The following EIF5B variants were observed in gnomAD, a reference collection of about 807,000 sequenced individuals.
The protein encoded by EIF5B is eukaryotic translation initiation factor 5B.
A neutral mutation model predicts 147.5 loss-of-function variants in EIF5B; 47 were observed. The ratio of observed to expected loss-of-function variants is 0.32; its 90% CI spans 0.25 to 0.41. The LOEUF is 0.41. EIF5B is among the 10% of genes least tolerant of loss of function. The probability of loss-of-function intolerance (pLI) is 1.00; values close to 1 mark genes in which losing one functional copy is unlikely to be tolerated. For synonymous variants in EIF5B, 455 were observed against 456.2 expected (o/e 1.00, Z 0.03); for missense variants, 1,064 against 1,413.2 (o/e 0.75, Z 3.96).
chr2:99,343,912 G>A lies in EIF5B; in HGVS notation c.35+6323G>A, dbSNP rs1400724943. Among the ~76,000 whole-genome samples the A allele has an allele frequency of 5.9e-5, 9 of 151,908 alleles. No homozygotes were observed. In the East Asian group the frequency reaches 1.5e-3, roughly 26 times the overall value. On this transcript the variant is annotated intron_variant, in intron 1 of 23. Transcript: ENST00000289371. Reference sequence around the variant, plus strand: ...TTGTTGTATGTGGTATGATGTAGGGGTTCATCTGCATTCTTTTTTTTTTTG... The same window carrying A: ...TTGTTGTATGTGGTATGATGTAGGGATTCATCTGCATTCTTTTTTTTTTTG...
At chr2:99,379,917 C>A (rs186239528) in intron 12 of EIF5B, among the ~76,000 whole-genome samples, 6 of 152,262 alleles carry the variant, frequency 3.9e-5, no homozygotes, top group Admixed American at 6.5e-5. Context: ...CTTTGTTGAG[C>A]AATATAACCT....
rs993328163 is a variant in EIF5B, at chr2:99,338,457, C to T, written c.35+868C>T. ...CTACCCACCAAACTTAAATACGAGG[C>T]GGAGAGTAAGGTAAATTAAAAAAAC... On this transcript the variant is annotated intron_variant, in intron 1 of 23. Transcript: ENST00000289371. The T allele has an allele frequency of 6.4e-6, 4 of 623,488 alleles. No individual in the cohort carries two copies. In the African/African-American group the frequency reaches 7.6e-5, roughly 12 times the overall value. The allele number at this position is 623,488 out of a possible 1,614,324, so 38.6% of individuals were successfully genotyped here.
In EIF5B at chr2:99,389,700, A is replaced by T. The variant is rs1023313025; in HGVS notation, c.2272-18A>T. 1 of 1,579,676 alleles carries T rather than the reference A, an allele frequency of 6.3e-7. No homozygotes were observed. The highest frequency in any genetic ancestry group is 8.5e-7 in the Non-Finnish European group (1 of 1,170,568). On this transcript the variant is annotated intron_variant, in intron 14 of 23. Transcript: ENST00000289371. ...TCTGAATTTTTTAGAGATCTTTCTC[A>T]TGAAAAAACTTTTTCAGATTGATAG...
At chr2:99,396,725 T>G in intron 21 of EIF5B, 35 bp from the exon 22 acceptor site, 1 of 1,567,976 alleles carries the variant, frequency 6.4e-7, no homozygotes, top group South Asian at 1.2e-5. Flanking sequence ...TAAGTGATTC[T>G]GTAAGCTTAA....
At chr2:99,396,737 A>T in intron 21 of EIF5B, 23 bp from the exon 22 acceptor site, 2 of 1,579,192 alleles carry the variant, frequency 1.3e-6, no homozygotes, top group Non-Finnish European at 1.7e-6. Context: ...TAAGCTTAAA[A>T]TTCTTTTCTT....
chr2:99,388,190 A>C (rs1466484594), intron 14 of EIF5B, among the ~76,000 whole-genome samples: 1 of 152,210 alleles, frequency 6.6e-6, no homozygotes, highest in Admixed American at 6.5e-5. Context: ...TCTTTTGTAA[A>C]TAATGTGAGT....
At chr2:99,346,009 T>TA (rs1218626298) in intron 1 of EIF5B, among the ~76,000 whole-genome samples, 1 of 151,812 alleles carries the variant, frequency 6.6e-6, no homozygotes, top group Non-Finnish European at 1.5e-5. Flanking sequence ...CAAAGGGAGT[T>TA]ACGTTTTAAC....
At chr2:99,391,729 C>G (rs886067109) in intron 17 of EIF5B, among the ~76,000 whole-genome samples, 10 of 129,838 alleles carry the variant, frequency 7.7e-5, no homozygotes, top group Non-Finnish European at 1.5e-4. Context: ...ATAGCTGGCT[C>G]TTTTTTTTTT....
chr2:99,390,448 A>T (rs780799037), intron 16 of EIF5B, 47 bp downstream of exon 16: 1 of 1,542,398 alleles, frequency 6.5e-7, no homozygotes, highest in Non-Finnish European at 8.8e-7. Flanking sequence ...TTTTAAAAAT[A>T]GCAAGTTCCT....
In EIF5B at chr2:99,369,461, C is replaced by A. The variant is rs1225186968; in HGVS notation, c.1457C>A (p.Thr486Lys). 1 of 1,609,778 alleles carries A rather than the reference C, an allele frequency of 6.2e-7. No homozygotes were observed. Among genetic ancestry groups the A allele is most frequent in the African/African-American group, 1.3e-5 (1 of 74,770 alleles). The change falls in exon 8 of 24, where the codon ACA (threonine) becomes AAA (lysine). Residue 486 changes from threonine to lysine, a missense_variant. Physicochemically the swap from Thr to Lys is moderately conservative, Grantham distance 78. This residue lies in a region of EIF5B where 195 missense variants were observed against 186.3 expected (regional missense o/e 1.05). Transcript: ENST00000289371. ...CAAGGAGTACCAGAAAAGGAAGAGA[C>A]ACCACCTCCTGTTGAACCAGGCGGG... ...MEQGVPEKEE[T>K]PPPVEPEEEE...
At position 99,382,897 on chromosome 2, in the gene EIF5B, T is replaced by C. The variant is rs1450110261; in HGVS notation, c.2247T>C (p.Cys749=). Residue 749 remains cysteine, a synonymous_variant, in exon 14 of 24, where the codon TGT becomes TGC. Transcript: ENST00000289371. The part of the protein sequence containing the change: ...ESINLLKSKK[C]PFIVALNKID... ...TCAACCTTCTCAAATCTAAAAAATG[T>C]CCCTTCATTGTTGCACTCAATAAGG... is the stretch of plus-strand genomic sequence containing the variant. 1 of 1,610,344 alleles carries C rather than the reference T, an allele frequency of 6.2e-7. No individual in the cohort carries two copies. The highest frequency in any genetic ancestry group is 8.5e-7 in the Non-Finnish European group (1 of 1,178,952).
intron 1 of EIF5B, among the ~76,000 whole-genome samples, chr2:99,350,476 A>G (rs1427536407): frequency 6.6e-6 from 1 of 151,758 alleles, no homozygotes; most frequent in Non-Finnish European, 1.5e-5. Flanking sequence ...AGCTAGTCTA[A>G]GGTGTGATAT....
rs144539968 is a variant in EIF5B at position 99,364,760 on chromosome 2, T to C, written c.1288+339T>C. Among the ~76,000 whole-genome samples, 97 of 152,324 alleles carry C rather than the reference T, an allele frequency of 6.4e-4. 4 individuals carry two copies. Among genetic ancestry groups the C allele is most frequent in the East Asian group, 5.2e-3 (27 of 5,184 alleles). ...GACATTCTTGTTTTGTACCTCTCCATCTACTTTTTATCCTAGCATGTTTTA... is the reference window on the plus strand; with the variant it reads ...GACATTCTTGTTTTGTACCTCTCCACCTACTTTTTATCCTAGCATGTTTTA... On this transcript the variant is annotated intron_variant, in intron 6 of 23. Transcript: ENST00000289371.
intron 1 of EIF5B, among the ~76,000 whole-genome samples, chr2:99,339,071 A>G (rs1013052722): frequency 6.7e-6 from 1 of 149,266 alleles, no homozygotes; most frequent in East Asian, 2.0e-4. Flanking sequence ...ACTTAGGGCA[A>G]TGGCGCGATC....
intron 9 of EIF5B, among the ~76,000 whole-genome samples, chr2:99,372,846 A>G (rs1674480266): frequency 6.6e-6 from 1 of 152,098 alleles, no homozygotes; most frequent in Non-Finnish European, 1.5e-5. Flanking sequence ...ATTTAGGTCA[A>G]GTTTGCTAAT....
intron 1 of EIF5B, among the ~76,000 whole-genome samples, chr2:99,351,734 G>A (rs187270624): frequency 1.6e-4 from 24 of 152,018 alleles, no homozygotes; most frequent in African/African-American, 5.8e-4. Context: ...GTCTCACTCT[G>A]TTACCCAGGC....
At chr2:99,351,767 G>A (rs1429202802) in intron 1 of EIF5B, among the ~76,000 whole-genome samples, 62 of 151,710 alleles carry the variant, frequency 4.1e-4, no homozygotes, top group Non-Finnish European at 1.3e-4. Context: ...GCGTGATCTT[G>A]GCTCACTGCA....
At chr2:99,359,426 G>A (rs1470884211) in intron 1 of EIF5B, among the ~76,000 whole-genome samples, 1 of 152,014 alleles carries the variant, frequency 6.6e-6, no homozygotes, top group Non-Finnish European at 1.5e-5. Flanking sequence ...CTCTTACAAG[G>A]TGTCCATTAT....
chr2:99,345,074 A>C (rs1258887001), intron 1 of EIF5B, among the ~76,000 whole-genome samples: 1 of 152,228 alleles, frequency 6.6e-6, no homozygotes, highest in African/African-American at 2.4e-5. Context: ...ATGAAATGTC[A>C]TTGTACTTTT....
Sources: allele counts gnomAD v4.1 joint callset (sites outside exome capture counted in the v4.1 genomes callset), GRCh38; gene constraint gnomAD v4.1.1; regional missense constraint gnomAD v4.1.1; transcripts MANE v1.5; gene names NCBI Gene and HGNC (gene_info 2026-07-23, HGNC 2026-07-21).